The following RPTOR variants were observed in gnomAD, a reference collection of about 807,000 sequenced individuals.
RPTOR encodes regulatory-associated protein of mTOR.
In RPTOR, 21 loss-of-function variants were observed where a neutral mutation model predicts 169.9. The observed-to-expected ratio is 0.12, with a 90% CI of 0.09 to 0.18. The LOEUF is 0.18. Ranked by LOEUF, RPTOR falls within the 10% of genes least tolerant of loss-of-function variation. The probability of loss-of-function intolerance (pLI) is 1.00; values close to 1 mark genes in which losing one functional copy is unlikely to be tolerated. For synonymous variants in RPTOR, 732 were observed against 753.2 expected, an observed-to-expected ratio of 0.97 and a Z score of 0.46; for missense variants, 1,133 against 1,855.9, an observed-to-expected ratio of 0.61 and a Z score of 7.16.
chr17:80,949,708 G>A (rs1332336148), intron 28 of RPTOR, among the ~76,000 whole-genome samples, 161 bp downstream of exon 28: 4 of 152,214 alleles, frequency 2.6e-5, no homozygotes, highest in African/African-American at 4.8e-5. Flanking sequence ...CCCCGAAAGC[G>A]TGAGAGCCCC....
chr17:80,918,730 T>C (rs2068709635), intron 21 of RPTOR, among the ~76,000 whole-genome samples: 1 of 152,130 alleles, frequency 6.6e-6, no homozygotes, highest in Admixed American at 6.5e-5. Flanking sequence ...ATTGTATGAC[T>C]CCCACCCCCT....
chr17:80,717,673 C>T (rs926960150), intron 4 of RPTOR, among the ~76,000 whole-genome samples: 1 of 152,198 alleles, frequency 6.6e-6, no homozygotes, highest in Admixed American at 6.5e-5. Flanking sequence ...GATACACTGT[C>T]GGTACACAAT....
Position 80,962,575 on chromosome 17 carries a change from A to G in RPTOR, c.3807A>G (p.Ala1269=). 1.2e-6 allele frequency: 2 copies of G among 1,612,216 alleles called. No homozygotes were observed. The highest frequency in any genetic ancestry group is 8.5e-7 in the Non-Finnish European group (1 of 1,178,994). ...TCCACCCCCAGGCGGACCTGATCGC[A>G]TGGTAGGCGCCACCCACCTCCCTGG... The part of the protein sequence containing the change: ...LDIHPQADLI[A]CGSVNQFTAI... The change falls in exon 32 of 34, where the codon GCA becomes GCG. Residue 1269 remains alanine, a splice_region_variant and synonymous_variant. Transcript: ENST00000306801.
chr17:80,846,955 C>T (rs1035466189), intron 11 of RPTOR, among the ~76,000 whole-genome samples: 1 of 152,254 alleles, frequency 6.6e-6, no homozygotes, highest in Admixed American at 6.5e-5. Flanking sequence ...GGCTTTGCTT[C>T]AGAGCAGGCT....
At chr17:80,858,331 C>T (rs2067878771) in intron 13 of RPTOR, among the ~76,000 whole-genome samples, 1 of 152,242 alleles carries the variant, frequency 6.6e-6, no homozygotes, top group South Asian at 2.1e-4. Context: ...TTGCATTTCT[C>T]CCCCTCCTCA....
Position 80,707,529 on chromosome 17 carries a change from A to G in RPTOR, c.349-312A>G, listed in dbSNP as rs750751887. On this transcript the variant is annotated intron_variant, in intron 3 of 33. Coordinates refer to ENST00000306801, the MANE Select transcript of RPTOR (RefSeq NM_020761.3). This position sits in a 1 kb window ranked among gnomAD's most constrained non-coding sequence, Gnocchi z 5.0. Reference sequence around the variant, plus strand: ...ATCCTTCCACCTCAGCTGGGACTACAGGTGTGTGCCACCACACCTGGCTAA... The same window carrying G: ...ATCCTTCCACCTCAGCTGGGACTACGGGTGTGTGCCACCACACCTGGCTAA... Among the ~76,000 whole-genome samples, 7 of 151,450 alleles carry G rather than the reference A, an allele frequency of 4.6e-5. No individual in the cohort carries two copies. The highest frequency in any genetic ancestry group is 6.6e-5 in the Admixed American group (1 of 15,228).
intron 11 of RPTOR, among the ~76,000 whole-genome samples, chr17:80,853,987 A>C (rs2067825000): frequency 6.6e-6 from 1 of 152,192 alleles, no homozygotes; most frequent in Admixed American, 6.5e-5. Context: ...TCTCAAAAAA[A>C]AAAAAAAGTG....
intron 1 of RPTOR, among the ~76,000 whole-genome samples, chr17:80,584,712 G>A (rs750228918): frequency 6.6e-6 from 1 of 152,298 alleles, no homozygotes; most frequent in Non-Finnish European, 1.5e-5. Context: ...GGGCCTGTCC[G>A]GATGGAACGT....
intron 3 of RPTOR, among the ~76,000 whole-genome samples, chr17:80,672,733 T>C (rs892197123): frequency 6.6e-6 from 1 of 151,908 alleles, no homozygotes; most frequent in Non-Finnish European, 1.5e-5. Context: ...AAGCTTTCAG[T>C]GAGCCGAGAT....
chr17:80,798,648 C>A lies in RPTOR; in HGVS notation c.890+7139C>A, dbSNP rs183824776. On this transcript the variant is annotated intron_variant, in intron 7 of 33. Transcript: ENST00000306801. Reference sequence around the variant, plus strand: ...AGGGGTGTGGTCTTGGAAGCGACACCCTATGATGCGCATTCACCTGAGTGG... The same window carrying A: ...AGGGGTGTGGTCTTGGAAGCGACACACTATGATGCGCATTCACCTGAGTGG... 5.9e-3 allele frequency among the ~76,000 whole-genome samples: 893 copies of A among 152,206 alleles called. 6 individuals are homozygous for A. The highest frequency in any genetic ancestry group is 0.012 in the South Asian group (59 of 4,824).
In RPTOR at chr17:80,896,252, C is replaced by G. The variant is rs1200685334; in HGVS notation, c.2401+2387C>G. The stretch of plus-strand genomic sequence containing the variant: ...ACCCTTCATCAGACAGCCCGTCCTC[C>G]CGCCAGTGCTTCTCAGCGTCTCCCT... On this transcript the variant is annotated intron_variant, in intron 20 of 33. Coordinates refer to ENST00000306801, the MANE Select transcript of RPTOR (RefSeq NM_020761.3). Among the ~76,000 whole-genome samples the G allele has an allele frequency of 2.0e-5, 3 of 152,000 alleles. No individual in the cohort carries two copies. In the East Asian group the frequency reaches 5.8e-4, roughly 29 times the overall value.
In RPTOR at chr17:80,591,448, G is replaced by A. The variant is rs140931994; in HGVS notation, c.163-34243G>A. 3.7e-3 allele frequency among the ~76,000 whole-genome samples: 542 copies of A among 148,002 alleles called. 3 individuals carry two copies. The highest frequency in any genetic ancestry group is 0.013 in the African/African-American group (515 of 39,874). On this transcript the variant is annotated intron_variant, in intron 1 of 33. Coordinates refer to ENST00000306801, the MANE Select transcript of RPTOR (RefSeq NM_020761.3). Reference sequence around the variant, plus strand: ...GGCTGTAGTGCAGTGGCGTGATCTCGGCTCACTGCAACCTCTGCAACCTGG... The same window carrying A: ...GGCTGTAGTGCAGTGGCGTGATCTCAGCTCACTGCAACCTCTGCAACCTGG...
chr17:80,902,061 A>G (rs1001142530), intron 20 of RPTOR, among the ~76,000 whole-genome samples: 10 of 152,074 alleles, frequency 6.6e-5, no homozygotes, highest in African/African-American at 2.4e-4. Context: ...TGATGTCTCC[A>G]TCCTGCTTGT....
Position 80,823,424 on chromosome 17 carries a change from C to T in RPTOR, c.1136+201C>T. ...GGGGTCTCCTTCAGAGGGCAGAAGC[C>T]TTGGAGGGCCTTTTAGGACTGCACG... On this transcript the variant is annotated intron_variant, in intron 9 of 33. Transcript: ENST00000306801. This position sits in a 1 kb window ranked among gnomAD's most constrained non-coding sequence, Gnocchi z 4.5. 1.6e-6 allele frequency: 1 copy of T among 624,114 alleles called. No individual in the cohort carries two copies. Among genetic ancestry groups the T allele is most frequent in the South Asian group, 2.4e-5 (1 of 41,664 alleles). The allele number at this position is 624,114 out of a possible 1,614,324, so 38.7% of individuals were successfully genotyped here.
intron 7 of RPTOR, among the ~76,000 whole-genome samples, chr17:80,819,589 G>A (rs1305156522): frequency 2.6e-5 from 4 of 152,220 alleles, no homozygotes; most frequent in Admixed American, 6.5e-5. Flanking sequence ...TCCGGTTTAG[G>A]TATGGTTGGT....
At chr17:80,826,018 C>T (rs1177310436) in intron 9 of RPTOR, among the ~76,000 whole-genome samples, 1 of 152,102 alleles carries the variant, frequency 6.6e-6, no homozygotes, top group Non-Finnish European at 1.5e-5. Flanking sequence ...TCACCTCCGC[C>T]GGCCCTGGGG....
At chr17:80,935,020 CAA>C (rs35820587) in intron 24 of RPTOR, among the ~76,000 whole-genome samples, 234 of 131,836 alleles carry the variant, frequency 1.8e-3, no homozygotes, top group African/African-American at 1.7e-3. Flanking sequence ...GACCCTGTCT[CAA>C]AAAAAAAAAA....
At chr17:80,913,707 C>T (rs2143947900) in intron 21 of RPTOR, among the ~76,000 whole-genome samples, 1 of 152,278 alleles carries the variant, frequency 6.6e-6, no homozygotes, top group African/African-American at 2.4e-5. Flanking sequence ...CCCACATTTC[C>T]CTCCCAAAAT....
chr17:80,722,746 A>G (rs2066297708), intron 4 of RPTOR, among the ~76,000 whole-genome samples: 1 of 151,538 alleles, frequency 6.6e-6, no homozygotes, highest in East Asian at 1.9e-4. Context: ...CCAGCTACCC[A>G]GTGTCAACCT....
Sources: allele counts gnomAD v4.1 joint callset (sites outside exome capture counted in the v4.1 genomes callset), GRCh38; gene constraint gnomAD v4.1.1; non-coding constraint Gnocchi (gnomAD v3.1); transcripts MANE v1.5; gene names NCBI Gene and HGNC (gene_info 2026-07-23, HGNC 2026-07-21).